Variants in GALNT18 observed in about 807,000 individuals in gnomAD.
The protein encoded by GALNT18 is polypeptide N-acetylgalactosaminyltransferase 18, also known as GalNAc-transferase 18.
In GALNT18, 44 loss-of-function variants were observed where a neutral mutation model predicts 69.5. That is an observed-to-expected ratio of 0.63 (90% CI 0.50 to 0.81). The LOEUF is 0.81. Ranked by LOEUF, GALNT18 falls within the 40% of genes least tolerant of loss-of-function variation. The pLI, the probability that GALNT18 is intolerant of heterozygous loss-of-function variation, is 0.00. For synonymous variants in GALNT18, 364 were observed against 318.2 expected (o/e 1.14, Z -1.53); for missense variants, 715 against 810.0 (o/e 0.88, Z 1.42).
rs1364459007 is a variant in GALNT18 at position 11,546,748 on chromosome 11, G to T, written c.235+74611C>A. Among the ~76,000 whole-genome samples the T allele has an allele frequency of 6.6e-6, 1 of 152,062 alleles. No individual in the cohort carries two copies. Among genetic ancestry groups the T allele is most frequent in the African/African-American group, 2.4e-5 (1 of 41,376 alleles). On this transcript the variant is annotated intron_variant, in intron 1 of 10. Coordinates refer to ENST00000227756, the MANE Select transcript of GALNT18 (RefSeq NM_198516.3). This position sits in a 1 kb window ranked among gnomAD's most constrained non-coding sequence, Gnocchi z 5.8. ...CCCCGAATGTTGATGATGTCTTCCA[G>T]GTTTCTCATCCTTCCATCTTATAAA...
intron 10 of GALNT18, among the ~76,000 whole-genome samples, chr11:11,283,211 G>A (rs1408208564): frequency 6.6e-6 from 1 of 152,150 alleles, no homozygotes; most frequent in East Asian, 1.9e-4. Flanking sequence ...CTGGAGTGCA[G>A]TAGCAGGATC....
In GALNT18 at chr11:11,540,144, C is replaced by T. The variant is rs1857878922; in HGVS notation, c.235+81215G>A. Among the ~76,000 whole-genome samples the T allele has an allele frequency of 1.3e-5, 2 of 152,196 alleles. No individual in the cohort carries two copies. Among genetic ancestry groups the T allele is most frequent in the South Asian group, 4.1e-4 (2 of 4,828 alleles). On this transcript the variant is annotated intron_variant, in intron 1 of 10. Transcript: ENST00000227756. This position sits in a 1 kb window ranked among gnomAD's most constrained non-coding sequence, Gnocchi z 4.6. ...ACTTAAGGCATTGGACTGGATTATT[C>T]TAAACATATTTTGTGGTTCTAAAAC...
At chr11:11,455,027 C>T (rs534590874) in intron 1 of GALNT18, among the ~76,000 whole-genome samples, 129 of 152,312 alleles carry the variant, frequency 8.5e-4, no homozygotes, top group African/African-American at 2.9e-3. Flanking sequence ...GCAGTCATTC[C>T]TGCCCATCCC....
chr11:11,459,055 G>A lies in GALNT18; in HGVS notation c.236-10119C>T, dbSNP rs1410371807. 6.6e-6 allele frequency among the ~76,000 whole-genome samples: 1 copy of A among 152,186 alleles called. No individual in the cohort carries two copies. The highest frequency in any genetic ancestry group is 1.5e-5 in the Non-Finnish European group (1 of 68,030). Reference sequence around the variant, plus strand: ...CTTCTTATATCCAGCAAAGCAAGATGTTATGCCTCTGCTTGTGATTAGGCT... The same window carrying A: ...CTTCTTATATCCAGCAAAGCAAGATATTATGCCTCTGCTTGTGATTAGGCT... On this transcript the variant is annotated intron_variant, in intron 1 of 10. Coordinates refer to ENST00000227756, the MANE Select transcript of GALNT18 (RefSeq NM_198516.3). The surrounding 1 kb of genome is among the most constrained non-coding windows in gnomAD (Gnocchi z 5.0).
chr11:11,288,627 T>C (rs764695778), intron 10 of GALNT18, among the ~76,000 whole-genome samples: 1 of 152,292 alleles, frequency 6.6e-6, no homozygotes, highest in South Asian at 2.1e-4. Flanking sequence ...AAGGAAAGAC[T>C]GTTCATCATT....
Position 11,573,283 on chromosome 11 carries a change from C to G in GALNT18, c.235+48076G>C, listed in dbSNP as rs1169449038. ...CAATACTGAAGATGGAGCTCTCTGT[C>G]CCCGGGTGGGGCCGCAGCATCACAG... On this transcript the variant is annotated intron_variant, in intron 1 of 10. Transcript: ENST00000227756. This position sits in a 1 kb window ranked among gnomAD's most constrained non-coding sequence, Gnocchi z 4.6. 6.6e-6 allele frequency among the ~76,000 whole-genome samples: 1 copy of G among 152,198 alleles called. No individual in the cohort carries two copies. Among genetic ancestry groups the G allele is most frequent in the African/African-American group, 2.4e-5 (1 of 41,448 alleles).
intron 1 of GALNT18, among the ~76,000 whole-genome samples, chr11:11,533,457 C>A (rs562705361): frequency 6.6e-6 from 1 of 152,290 alleles, no homozygotes; most frequent in East Asian, 1.9e-4. Context: ...CCACAGTGCT[C>A]TTTATCCACA....
intron 3 of GALNT18, among the ~76,000 whole-genome samples, chr11:11,399,972 A>T (rs777451831): frequency 6.6e-6 from 1 of 152,236 alleles, no homozygotes; most frequent in African/African-American, 2.4e-5. Context: ...TTTATCTTCA[A>T]AAATGAAGCT....
intron 6 of GALNT18, among the ~76,000 whole-genome samples, chr11:11,349,680 G>C (rs932154326): frequency 6.6e-6 from 1 of 152,166 alleles, no homozygotes; most frequent in Non-Finnish European, 1.5e-5. Flanking sequence ...TAAATTGCAC[G>C]AATGAAGGAA....
chr11:11,330,398 GC>G (rs1849997600), intron 8 of GALNT18, among the ~76,000 whole-genome samples: 1 of 152,194 alleles, frequency 6.6e-6, no homozygotes, highest in African/African-American at 2.4e-5. Context: ...ATCCCACTTT[GC>G]CCATCTTCAG....
intron 10 of GALNT18, among the ~76,000 whole-genome samples, chr11:11,292,771 A>T (rs950939078): frequency 1.3e-5 from 2 of 151,454 alleles, no homozygotes; most frequent in African/African-American, 4.9e-5. Flanking sequence ...AATCATTATA[A>T]TAAAACAACA....
At chr11:11,477,762 A>G (rs1856435236) in intron 1 of GALNT18, among the ~76,000 whole-genome samples, 3 of 152,242 alleles carry the variant, frequency 2.0e-5, no homozygotes, top group Admixed American at 1.3e-4. Flanking sequence ...ACCCTATAGC[A>G]GAAGACTTAC....
At chr11:11,533,220 G>A (rs536242591) in intron 1 of GALNT18, among the ~76,000 whole-genome samples, 9 of 152,330 alleles carry the variant, frequency 5.9e-5, no homozygotes, top group African/African-American at 2.2e-4. Flanking sequence ...TACCAGGAAT[G>A]AGGTAGCTTC....
At chr11:11,302,651 G>T (rs529974259) in intron 9 of GALNT18, among the ~76,000 whole-genome samples, 3 of 152,340 alleles carry the variant, frequency 2.0e-5, no homozygotes, top group Admixed American at 6.5e-5. Flanking sequence ...GGTAGGCCAG[G>T]CCTCAGCGGT....
intron 2 of GALNT18, among the ~76,000 whole-genome samples, chr11:11,442,220 C>T (rs1855544724): frequency 6.6e-6 from 1 of 152,316 alleles, no homozygotes; most frequent in African/African-American, 2.4e-5. Flanking sequence ...AAGTCTTTCT[C>T]ACATTGTCAT....
intron 7 of GALNT18, among the ~76,000 whole-genome samples, chr11:11,334,899 C>T (rs1850083814): frequency 6.6e-6 from 1 of 152,230 alleles, no homozygotes; most frequent in Admixed American, 6.5e-5. Flanking sequence ...GTGGTGAACA[C>T]AGGAACTGGC....
At chr11:11,488,787 G>T (rs1248958158) in intron 1 of GALNT18, among the ~76,000 whole-genome samples, 1 of 152,110 alleles carries the variant, frequency 6.6e-6, no homozygotes, top group Non-Finnish European at 1.5e-5. Flanking sequence ...TGATAACTAT[G>T]GACCCAACTC....
chr11:11,299,115 C>G (rs1394765690), intron 9 of GALNT18, among the ~76,000 whole-genome samples: 3 of 152,114 alleles, frequency 2.0e-5, no homozygotes, highest in African/African-American at 7.2e-5. Flanking sequence ...ACCCAGCACC[C>G]AAGCAGTGGA....
At chr11:11,571,981 T>C (rs567851370) in intron 1 of GALNT18, among the ~76,000 whole-genome samples, 1 of 152,140 alleles carries the variant, frequency 6.6e-6, no homozygotes, top group African/African-American at 2.4e-5. Context: ...TAACTGGGCA[T>C]AGGAATTCCC....
Sources: allele counts gnomAD v4.1 joint callset (sites outside exome capture counted in the v4.1 genomes callset), GRCh38; gene constraint gnomAD v4.1.1; non-coding constraint Gnocchi (gnomAD v3.1); transcripts MANE v1.5; gene names NCBI Gene and HGNC (gene_info 2026-07-23, HGNC 2026-07-21).